Variants in NLGN1 observed in about 807,000 individuals in gnomAD.
NLGN1 encodes neuroligin 1, also known as neuroligin-1.
A neutral mutation model predicts 65.5 loss-of-function variants in NLGN1; 12 were observed. That is an observed-to-expected ratio of 0.18 (90% CI 0.12 to 0.30). The LOEUF is 0.30. NLGN1 is among the 10% of genes least tolerant of loss of function. NLGN1 has a pLI of 1.00. For missense variants in NLGN1, 750 were observed against 1,007.1 expected, an observed-to-expected ratio of 0.74 and a Z score of 3.46; for synonymous variants, 350 against 359.5, an observed-to-expected ratio of 0.97 and a Z score of 0.30.
intron 4 of NLGN1, among the ~76,000 whole-genome samples, chr3:173,942,138 G>GTGTA (rs1198936327): frequency 1.4e-5 from 2 of 147,872 alleles, no homozygotes; most frequent in African/African-American, 4.9e-5. Flanking sequence ...GTGTGTGTGT[G>GTGTA]TGTATGTGTG....
chr3:173,400,579 T>C (rs771145620), intron 1 of NLGN1, among the ~76,000 whole-genome samples: 1 of 152,144 alleles, frequency 6.6e-6, no homozygotes, highest in Non-Finnish European at 1.5e-5. Context: ...ACACCAATGA[T>C]AGGACAGAAA....
intron 2 of NLGN1, among the ~76,000 whole-genome samples, chr3:173,438,449 T>C (rs1292918035): frequency 6.6e-6 from 1 of 152,270 alleles, no homozygotes; most frequent in Non-Finnish European, 1.5e-5. Flanking sequence ...ACATGCCAAC[T>C]TGATCCAGAA....
chr3:173,886,618 A>C (rs1734383645), intron 4 of NLGN1, among the ~76,000 whole-genome samples: 3 of 152,140 alleles, frequency 2.0e-5, no homozygotes, highest in Admixed American at 1.3e-4. Context: ...AATAGTTTAA[A>C]AGGAAAATTA....
At chr3:173,785,248 A>T (rs77450645) in intron 3 of NLGN1, among the ~76,000 whole-genome samples, 5,655 of 152,242 alleles carry the variant, frequency 0.037, 144 homozygotes, top group Non-Finnish European at 0.057. Flanking sequence ...CCTCATTCTT[A>T]CTGTATTTTT....
At chr3:173,580,378 G>T (rs1746201329) in intron 2 of NLGN1, among the ~76,000 whole-genome samples, 1 of 151,704 alleles carries the variant, frequency 6.6e-6, no homozygotes, top group Non-Finnish European at 1.5e-5. Context: ...TACCAATCTT[G>T]GTCTTTTATT....
At chr3:174,161,900 G>A (rs978969195) in intron 4 of NLGN1, among the ~76,000 whole-genome samples, 12 of 151,748 alleles carry the variant, frequency 7.9e-5, no homozygotes, top group Non-Finnish European at 1.5e-5. Context: ...GTTCTGTGGG[G>A]CAATTGGACT....
intron 4 of NLGN1, among the ~76,000 whole-genome samples, chr3:173,946,709 G>C (rs1206432784): frequency 1.3e-5 from 2 of 152,180 alleles, no homozygotes. Context: ...AGCAGAGAAT[G>C]AAAGTCTCTT....
chr3:173,884,111 C>A (rs1733884580), intron 4 of NLGN1, among the ~76,000 whole-genome samples: 1 of 151,664 alleles, frequency 6.6e-6, no homozygotes, highest in African/African-American at 2.4e-5. Flanking sequence ...TGTTGTTTGG[C>A]CTTTATCGTG....
intron 4 of NLGN1, among the ~76,000 whole-genome samples, chr3:174,100,390 C>A (rs1210002976): frequency 6.6e-6 from 1 of 151,958 alleles, no homozygotes; most frequent in East Asian, 1.9e-4. Flanking sequence ...TGAGCTCTAC[C>A]CCACTGCTAG....
chr3:173,928,606 G>T (rs1301144603), intron 4 of NLGN1, among the ~76,000 whole-genome samples: 1 of 151,674 alleles, frequency 6.6e-6, no homozygotes, highest in Non-Finnish European at 1.5e-5. Context: ...TTGGTATGAG[G>T]TCTCTCTGTC....
intron 4 of NLGN1, among the ~76,000 whole-genome samples, chr3:173,993,372 T>G (rs182461520): frequency 1.3e-5 from 2 of 152,338 alleles, no homozygotes; most frequent in African/African-American, 4.8e-5. Flanking sequence ...TAGTGCATTT[T>G]CGGCTAGCTG....
intron 4 of NLGN1, among the ~76,000 whole-genome samples, chr3:173,810,623 T>A (rs948622440): frequency 6.6e-6 from 1 of 152,170 alleles, no homozygotes; most frequent in African/African-American, 2.4e-5. Flanking sequence ...ATCTTACAAG[T>A]TTTGTTTTTT....
intron 3 of NLGN1, among the ~76,000 whole-genome samples, chr3:173,771,806 G>A (rs1779627449): frequency 1.3e-5 from 2 of 151,990 alleles, no homozygotes; most frequent in African/African-American, 2.4e-5. Flanking sequence ...GTATTGTAGT[G>A]TGGGAGCCTT....
intron 4 of NLGN1, among the ~76,000 whole-genome samples, chr3:174,031,858 G>A (rs1730102237): frequency 6.6e-6 from 1 of 151,914 alleles, no homozygotes; most frequent in South Asian, 2.1e-4. Flanking sequence ...ATGAAAATAA[G>A]TCTACACAAG....
At chr3:174,276,845 A>AGAT (rs1750684868) in intron 5 of NLGN1, among the ~76,000 whole-genome samples, 1 of 151,906 alleles carries the variant, frequency 6.6e-6, no homozygotes, top group African/African-American at 2.4e-5. Flanking sequence ...TTAATTAAAC[A>AGAT]GATTAGATTG....
At chr3:173,977,575 C>A (rs78418881) in intron 4 of NLGN1, among the ~76,000 whole-genome samples, 1 of 151,806 alleles carries the variant, frequency 6.6e-6, no homozygotes, top group Non-Finnish European at 1.5e-5. Flanking sequence ...TACTAGAAGA[C>A]AGAGGTTCCA....
chr3:173,557,878 A>G (rs1741972759), intron 2 of NLGN1, among the ~76,000 whole-genome samples: 2 of 152,272 alleles, frequency 1.3e-5, no homozygotes, highest in East Asian at 1.9e-4. Flanking sequence ...TCTACCTGGC[A>G]TCAGTTCCTC....
chr3:173,614,224 C>T (rs1752719169), intron 3 of NLGN1, among the ~76,000 whole-genome samples: 1 of 151,908 alleles, frequency 6.6e-6, no homozygotes, highest in African/African-American at 2.4e-5. Flanking sequence ...TAAGTATGAG[C>T]AGGGGCAGGG....
At chr3:173,667,915 G>A (rs1050253343) in intron 3 of NLGN1, among the ~76,000 whole-genome samples, 2 of 152,114 alleles carry the variant, frequency 1.3e-5, no homozygotes, top group African/African-American at 2.4e-5. Flanking sequence ...ACAAGCGTGA[G>A]CCACCATGCC....
Sources: allele counts gnomAD v4.1 joint callset (sites outside exome capture counted in the v4.1 genomes callset), GRCh38; gene constraint gnomAD v4.1.1; transcripts MANE v1.5; gene names NCBI Gene and HGNC (gene_info 2026-07-23, HGNC 2026-07-21).